The following SPHKAP variants were observed in gnomAD, a reference collection of about 807,000 sequenced individuals.
SPHKAP encodes the protein SPHK1 interactor, AKAP domain containing, also known as A-kinase anchor protein SPHKAP.
In SPHKAP, 67 loss-of-function variants were observed where a neutral mutation model predicts 137.5. That is an observed-to-expected ratio of 0.49 (90% CI 0.40 to 0.60). The LOEUF (loss-of-function observed/expected upper bound fraction) is 0.60, where lower values mean the gene tolerates loss of function less well. Among genes scored for constraint, SPHKAP ranks in the 20% least tolerant of loss-of-function variants. The pLI is 0.00. For missense variants in SPHKAP, 2,097 were observed against 2,069.3 expected (o/e 1.01, Z -0.26); for synonymous variants, 813 against 785.3 (o/e 1.04, Z -0.59).
chr2:227,998,431 C>A (rs1484724085), intron 7 of SPHKAP, among the ~76,000 whole-genome samples: 1 of 152,160 alleles, frequency 6.6e-6, no homozygotes, highest in Non-Finnish European at 1.5e-5. Flanking sequence ...CAAAAACTAA[C>A]AGTATTTATG....
intron 2 of SPHKAP, among the ~76,000 whole-genome samples, chr2:228,125,604 A>G (rs958929154): frequency 2.0e-5 from 3 of 152,198 alleles, no homozygotes; most frequent in Non-Finnish European, 4.4e-5. Flanking sequence ...GATTTGATAC[A>G]CAATATCCCA....
intron 3 of SPHKAP, among the ~76,000 whole-genome samples, chr2:228,033,260 C>A (rs1208617485): frequency 1.3e-5 from 2 of 152,054 alleles, no homozygotes; most frequent in African/African-American, 4.8e-5. Flanking sequence ...TTTAAACTAA[C>A]AAAGATCAAA....
chr2:228,066,865 C>G (rs1393049754), intron 3 of SPHKAP, among the ~76,000 whole-genome samples: 1 of 152,176 alleles, frequency 6.6e-6, no homozygotes, highest in Non-Finnish European at 1.5e-5. Context: ...TTAAACTAAG[C>G]TCGTAAATGG....
At chr2:228,111,139 A>G (rs1698504893) in intron 2 of SPHKAP, among the ~76,000 whole-genome samples, 1 of 152,184 alleles carries the variant, frequency 6.6e-6, no homozygotes, top group Admixed American at 6.5e-5. Context: ...CTCTAAATCC[A>G]CTTCACTTTA....
At chr2:228,159,870 G>T (rs1287087245) in intron 1 of SPHKAP, among the ~76,000 whole-genome samples, 2 of 152,014 alleles carry the variant, frequency 1.3e-5, no homozygotes, top group African/African-American at 4.8e-5. Flanking sequence ...TTTATGTAAG[G>T]GCATCTTTGC....
chr2:228,132,934 G>T (rs1163810396), intron 1 of SPHKAP, among the ~76,000 whole-genome samples: 1 of 152,004 alleles, frequency 6.6e-6, no homozygotes, highest in Non-Finnish European at 1.5e-5. Context: ...AACCCGGGAG[G>T]TGGAGGTTGC....
At chr2:228,075,461 C>T (rs574568065) in intron 3 of SPHKAP, among the ~76,000 whole-genome samples, 2 of 152,086 alleles carry the variant, frequency 1.3e-5, no homozygotes, top group South Asian at 2.1e-4. Flanking sequence ...GGTCCTTTCT[C>T]AGCATTGCAA....
intron 2 of SPHKAP, among the ~76,000 whole-genome samples, chr2:228,119,487 T>TC (rs907919611): frequency 7.3e-5 from 6 of 82,158 alleles, no homozygotes; most frequent in Middle Eastern, 0.016. Flanking sequence ...TCTCTCTCTC[T>TC]CTCTCTCTCA....
chr2:228,113,269 C>A (rs115272998), intron 2 of SPHKAP, among the ~76,000 whole-genome samples: 255 of 152,084 alleles, frequency 1.7e-3, no homozygotes, highest in African/African-American at 5.8e-3. Context: ...AATAGTAGTA[C>A]ATTTATTGAG....
intron 3 of SPHKAP, among the ~76,000 whole-genome samples, chr2:228,081,677 T>C (rs1442680776): frequency 6.6e-6 from 1 of 152,140 alleles, no homozygotes; most frequent in Non-Finnish European, 1.5e-5. Context: ...ATATTAAGTA[T>C]AAATAAGCCA....
intron 7 of SPHKAP, among the ~76,000 whole-genome samples, chr2:228,003,578 G>C (rs1365227968): frequency 6.6e-6 from 1 of 152,164 alleles, no homozygotes; most frequent in Non-Finnish European, 1.5e-5. Context: ...CGATTGCCCT[G>C]TCCAGAACTT....
At chr2:228,153,228 C>T (rs1699993497) in intron 1 of SPHKAP, among the ~76,000 whole-genome samples, 1 of 152,038 alleles carries the variant, frequency 6.6e-6, no homozygotes, top group East Asian at 1.9e-4. Context: ...TACATTATTG[C>T]CTACATTTTT....
intron 3 of SPHKAP, among the ~76,000 whole-genome samples, chr2:228,085,765 C>A (rs1414732026): frequency 6.6e-6 from 1 of 152,048 alleles, no homozygotes; most frequent in Non-Finnish European, 1.5e-5. Flanking sequence ...AACAAAAGCA[C>A]CTTTTGAAGT....
intron 3 of SPHKAP, among the ~76,000 whole-genome samples, chr2:228,065,961 CAAAAACG>C (rs1696815388): frequency 6.6e-6 from 1 of 152,082 alleles, no homozygotes; most frequent in Non-Finnish European, 1.5e-5. Flanking sequence ...TGCAGCTGTG[CAAAAACG>C]TGTCAGAACA....
chr2:228,016,391 A>C lies in SPHKAP; in HGVS notation c.4448+15T>G, dbSNP rs1694591234. ...AGTCACATGCACCCTATGTAGTCTGAGACGATTCACTCACCTATGGATTTG... is the reference window on the plus strand; with the variant it reads ...AGTCACATGCACCCTATGTAGTCTGCGACGATTCACTCACCTATGGATTTG... On this transcript the variant is annotated intron_variant, in intron 7 of 11. Transcript: ENST00000392056. 1 of 1,563,108 alleles carries C rather than the reference A, an allele frequency of 6.4e-7. No homozygotes were observed. Among genetic ancestry groups the C allele is most frequent in the Admixed American group, 2.0e-5 (1 of 50,668 alleles).
intron 1 of SPHKAP, among the ~76,000 whole-genome samples, chr2:228,137,838 T>C (rs888096580): frequency 1.4e-4 from 22 of 152,242 alleles, no homozygotes; most frequent in African/African-American, 5.3e-4. Context: ...CTCAAGTGAA[T>C]GTTCTTATTT....
intron 3 of SPHKAP, among the ~76,000 whole-genome samples, chr2:228,073,090 T>C (rs991797731): frequency 6.6e-6 from 1 of 152,240 alleles, no homozygotes; most frequent in Non-Finnish European, 1.5e-5. Flanking sequence ...GGAAAGAAAC[T>C]TTGAAAACAT....
chr2:228,017,380 G>T lies in SPHKAP; in HGVS notation c.3474C>A (p.Ser1158Arg), dbSNP rs937056522. 7.4e-6 allele frequency: 12 copies of T among 1,613,852 alleles called. No individual in the cohort carries two copies. The highest frequency in any genetic ancestry group is 2.7e-5 in the African/African-American group (2 of 74,944). The stretch of plus-strand genomic sequence containing the variant: ...CCTGTTGCATGGCTGAGTTCAGAAT[G>T]CTGCTGGCGTTCTTGCCAGCATAGT... ...LDYYAGKNAS[S>R]ILNSAMQQAC... The change falls in exon 7 of 12, where the codon AGC becomes AGA. Residue 1158 changes from serine to arginine, a missense_variant. By Grantham distance (110) the Ser-to-Arg change is moderately radical. Coordinates refer to ENST00000392056, the MANE Select transcript of SPHKAP (RefSeq NM_001142644.2).
At position 228,181,519 on chromosome 2, in the gene SPHKAP, C is replaced by A. The variant is rs201088297; in HGVS notation, c.32+48G>T. The A allele has an allele frequency of 1.2e-6, 2 of 1,613,950 alleles. No homozygotes were observed. The highest frequency in any genetic ancestry group is 8.5e-7 in the Non-Finnish European group (1 of 1,179,858). On this transcript the variant is annotated intron_variant, in intron 1 of 11. Coordinates refer to ENST00000392056, the MANE Select transcript of SPHKAP (RefSeq NM_001142644.2). This position sits in a 1 kb window ranked among gnomAD's most constrained non-coding sequence, Gnocchi z 4.3. ...TTGGTGAGCGACTCACAACGCGGAA[C>A]GGAGTTTGATCGACATGGTATTGGG... is the stretch of plus-strand genomic sequence containing the variant.
Sources: allele counts gnomAD v4.1 joint callset (sites outside exome capture counted in the v4.1 genomes callset), GRCh38; gene constraint gnomAD v4.1.1; non-coding constraint Gnocchi (gnomAD v3.1); transcripts MANE v1.5; gene names NCBI Gene and HGNC (gene_info 2026-07-23, HGNC 2026-07-21).